Variants in PHACTR2 observed in about 807,000 individuals in gnomAD.
The protein encoded by PHACTR2 is phosphatase and actin regulator 2.
PHACTR2 carries 30 observed loss-of-function variants against 76.0 expected under a neutral mutation model. That is an observed-to-expected ratio of 0.39 (90% CI 0.30 to 0.54). The LOEUF (loss-of-function observed/expected upper bound fraction) is 0.54, where lower values mean the gene tolerates loss of function less well. PHACTR2 is among the 20% of genes least tolerant of loss of function. PHACTR2 has a pLI of 0.61. For missense variants in PHACTR2, 696 were observed against 781.1 expected (o/e 0.89, Z 1.30); for synonymous variants, 292 against 292.5 (o/e 1.00, Z 0.02).
At chr6:143,702,620 T>TTA (rs1399856277) in intron 1 of PHACTR2, among the ~76,000 whole-genome samples, 3 of 152,154 alleles carry the variant, frequency 2.0e-5, no homozygotes, top group Non-Finnish European at 4.4e-5. Flanking sequence ...CCCAGTTTCC[T>TTA]TATATATAGG....
rs1775691761 is a variant in PHACTR2 at position 143,591,462 on chromosome 6, G to C, written c.217+54255G>C. ...TTCCACAGCTTGTTACAGGAGCAGA[G>C]AAAGAGCATATGAGACCAGGAGGGA... On this transcript the variant is annotated intron_variant, in intron 1 of 11. Transcript: ENST00000367584. The surrounding 1 kb of genome is among the most constrained non-coding windows in gnomAD (Gnocchi z 6.4). Among the ~76,000 whole-genome samples, 1 of 152,228 alleles carries C rather than the reference G, an allele frequency of 6.6e-6. No individual in the cohort carries two copies. The highest frequency in any genetic ancestry group is 2.1e-4 in the South Asian group (1 of 4,832).
At chr6:143,762,562 C>G (rs1779466930) in intron 5 of PHACTR2, among the ~76,000 whole-genome samples, 1 of 152,094 alleles carries the variant, frequency 6.6e-6, no homozygotes. Context: ...CTTTATGATC[C>G]TACTGATAGT....
At position 143,825,973 on chromosome 6, in the gene PHACTR2, AT is replaced by A. The variant is rs1562321847; in HGVS notation, c.*2287del. On this transcript the variant is annotated 3_prime_UTR_variant, in exon 13 of 13. Coordinates refer to ENST00000440869, the MANE Select transcript of PHACTR2 (RefSeq NM_001100164.2). This position sits in a 1 kb window ranked among gnomAD's most constrained non-coding sequence, Gnocchi z 4.1. ...TTGCATTTCTTGTATAATAGGTCAGATTTATTAACTACTCATACTTTTTCTT... is the reference window on the plus strand; with the variant it reads ...TTGCATTTCTTGTATAATAGGTCAGATTATTAACTACTCATACTTTTTCTT... 6.6e-6 allele frequency: 1 copy of A among 152,082 alleles called. No homozygotes were observed. Among genetic ancestry groups the A allele is most frequent in the East Asian group, 1.9e-4 (1 of 5,192 alleles). 9.4% of individuals were successfully genotyped at this position (152,082 alleles called of 1,614,324 possible).
chr6:143,566,567 G>A (rs1301079405), intron 1 of PHACTR2, among the ~76,000 whole-genome samples: 1 of 152,144 alleles, frequency 6.6e-6, no homozygotes, highest in African/African-American at 2.4e-5. Context: ...GCTTTCCAAA[G>A]TGCTTGGATT....
rs940637294 is a variant in PHACTR2, at chr6:143,765,995, T to C, written c.1232+197T>C. 1.3e-5 allele frequency among the ~76,000 whole-genome samples: 2 copies of C among 152,236 alleles called. No individual in the cohort carries two copies. The highest frequency in any genetic ancestry group is 2.9e-5 in the Non-Finnish European group (2 of 68,040). ...CTAGGGCTGCTGGAGAAAATTACAT[T>C]GGTAGAGCTGACAAATACCACTTGA... On this transcript the variant is annotated intron_variant, in intron 6 of 12. Coordinates refer to ENST00000440869, the MANE Select transcript of PHACTR2 (RefSeq NM_001100164.2). The surrounding 1 kb of genome is among the most constrained non-coding windows in gnomAD (Gnocchi z 4.1).
chr6:143,772,208 A>T lies in PHACTR2; in HGVS notation c.1233-50A>T, dbSNP rs41285025. On this transcript the variant is annotated intron_variant, in intron 6 of 12. Transcript: ENST00000440869. The surrounding 1 kb of genome is among the most constrained non-coding windows in gnomAD (Gnocchi z 5.4). Reference sequence around the variant, plus strand: ...CTTTTTCTTAGTGTCAGTGCCGCCAAGGGTTGCTCTGAGCTTCACATCACT... The same window carrying T: ...CTTTTTCTTAGTGTCAGTGCCGCCATGGGTTGCTCTGAGCTTCACATCACT... 12 of 1,348,124 alleles carry T rather than the reference A, an allele frequency of 8.9e-6. No homozygotes were observed. Among genetic ancestry groups the T allele is most frequent in the Non-Finnish European group, 1.3e-5 (12 of 938,590 alleles). The allele number at this position is 1,348,124 out of a possible 1,614,324, so 83.5% of individuals were successfully genotyped here.
intron 1 of PHACTR2, among the ~76,000 whole-genome samples, chr6:143,564,819 C>T (rs1255078251): frequency 2.0e-5 from 3 of 152,164 alleles, no homozygotes; most frequent in Non-Finnish European, 4.4e-5. Flanking sequence ...CAACTGCAAC[C>T]TCAGCAAAAT....
At chr6:143,792,406 T>G (rs1201986827) in intron 11 of PHACTR2, among the ~76,000 whole-genome samples, 1 of 152,126 alleles carries the variant, frequency 6.6e-6, no homozygotes, top group African/African-American at 2.4e-5. Flanking sequence ...GTTTCTTCCA[T>G]CCTCCTTTCC....
rs1562309330 is a variant in PHACTR2, at chr6:143,791,373, C to CTT, written c.1845+2464_1845+2465insTT. On this transcript the variant is annotated intron_variant, in intron 11 of 12. Coordinates refer to ENST00000440869, the MANE Select transcript of PHACTR2 (RefSeq NM_001100164.2). The surrounding 1 kb of genome is among the most constrained non-coding windows in gnomAD (Gnocchi z 4.7). ...CAAGCACTGAAGGTTAGAAATGACT[C>CTT]TGTGTGTCAGTGATTTGCAACCTTG... Among the ~76,000 whole-genome samples the CTT allele has an allele frequency of 1.3e-5, 2 of 152,194 alleles. No individual in the cohort carries two copies. The highest frequency in any genetic ancestry group is 2.9e-5 in the Non-Finnish European group (2 of 68,038).
chr6:143,736,138 C>T (rs1022153020), intron 2 of PHACTR2, among the ~76,000 whole-genome samples: 1 of 152,176 alleles, frequency 6.6e-6, no homozygotes, highest in Non-Finnish European at 1.5e-5. Context: ...AAGCGATCCT[C>T]CTGCCTCATC....
At chr6:143,792,125 G>T (rs185734309) in intron 11 of PHACTR2, among the ~76,000 whole-genome samples, 1 of 152,252 alleles carries the variant, frequency 6.6e-6, no homozygotes, top group East Asian at 1.9e-4. Flanking sequence ...AAATCATAAA[G>T]ATGCCTGCTC....
chr6:143,599,745 G>T lies in PHACTR2; in HGVS notation c.217+62538G>T, dbSNP rs1775794234. Among the ~76,000 whole-genome samples, 1 of 152,130 alleles carries T rather than the reference G, an allele frequency of 6.6e-6. No individual in the cohort carries two copies. The highest frequency in any genetic ancestry group is 6.5e-5 in the Admixed American group (1 of 15,282). On this transcript the variant is annotated intron_variant, in intron 1 of 11. Coordinates refer to the PHACTR2 transcript ENST00000367584. The surrounding 1 kb of genome is among the most constrained non-coding windows in gnomAD (Gnocchi z 4.6). Reference sequence around the variant, plus strand: ...CTATACCTTTCCCCCTTTCTATGCTGTATTAAGACATACCACCCTTTCTTT... The same window carrying T: ...CTATACCTTTCCCCCTTTCTATGCTTTATTAAGACATACCACCCTTTCTTT...
chr6:143,796,758 G>A (rs1047642660), intron 11 of PHACTR2, among the ~76,000 whole-genome samples: 1 of 152,164 alleles, frequency 6.6e-6, no homozygotes, highest in Non-Finnish European at 1.5e-5. Context: ...TTTTATGGCT[G>A]CATAGTGTTC....
At chr6:143,563,712 CTGGCTGCGCACGG>C (rs1333912529) in intron 1 of PHACTR2, among the ~76,000 whole-genome samples, 1 of 151,696 alleles carries the variant, frequency 6.6e-6, no homozygotes, top group East Asian at 2.0e-4. Context: ...TATATTTATT[CTGGCTGCGCACGG>C]TGGCTCATGC....
At chr6:143,626,815 G>A (rs1322284804) in intron 1 of PHACTR2, among the ~76,000 whole-genome samples, 1 of 152,140 alleles carries the variant, frequency 6.6e-6, no homozygotes, top group Non-Finnish European at 1.5e-5. Context: ...AAGGGTTTTA[G>A]CAAAGACATT....
rs1019291853 is a variant in PHACTR2, at chr6:143,659,517, C to A, written c.13+51195C>A. ...CTTGCAGAATGCCAGACTGAGGGCT[C>A]AGTTTCTTGCTGGCTGTGAGTGGGA... On this transcript the variant is annotated intron_variant, in intron 1 of 11. Coordinates refer to the PHACTR2 transcript ENST00000305766. This position sits in a 1 kb window ranked among gnomAD's most constrained non-coding sequence, Gnocchi z 5.0. Among the ~76,000 whole-genome samples, 7 of 152,338 alleles carry A rather than the reference C, an allele frequency of 4.6e-5. No homozygotes were observed. Among genetic ancestry groups the A allele is most frequent in the Admixed American group, 4.6e-4 (7 of 15,306 alleles).
At chr6:143,702,212 A>G (rs1777930826) in intron 1 of PHACTR2, among the ~76,000 whole-genome samples, 1 of 144,064 alleles carries the variant, frequency 6.9e-6, no homozygotes, top group Admixed American at 7.2e-5. Flanking sequence ...GGTTCAAGCG[A>G]TCCTCCTGCC....
intron 1 of PHACTR2, among the ~76,000 whole-genome samples, chr6:143,540,848 A>G (rs1235084141): frequency 6.6e-6 from 1 of 152,272 alleles, no homozygotes; most frequent in Non-Finnish European, 1.5e-5. Flanking sequence ...TATGTTTATA[A>G]AAACGTGGAT....
rs200680117 is a variant in PHACTR2, at chr6:143,578,910, T to TG, written c.217+41703_217+41704insG. Among the ~76,000 whole-genome samples the TG allele has an allele frequency of 0.011, 1,477 of 139,474 alleles. 14 individuals carry two copies. Among genetic ancestry groups the TG allele is most frequent in the South Asian group, 0.035 (142 of 4,014 alleles). 91.5% of individuals were successfully genotyped at this position (139,474 alleles called of 152,430 possible). A position where few individuals can be genotyped will look rare whatever the true frequency, so the allele number is the denominator to read the frequency against. On this transcript the variant is annotated intron_variant, in intron 1 of 11. Coordinates refer to the PHACTR2 transcript ENST00000367584. The surrounding 1 kb of genome is among the most constrained non-coding windows in gnomAD (Gnocchi z 4.5). ...TCATAATCCTGCCCCCAAAACTTTTTTTTTTGTTGTTGAGACAGGATCTTG... is the reference window on the plus strand; with the variant it reads ...TCATAATCCTGCCCCCAAAACTTTTTGTTTTTGTTGTTGAGACAGGATCTTG...
Sources: allele counts gnomAD v4.1 joint callset (sites outside exome capture counted in the v4.1 genomes callset), GRCh38; gene constraint gnomAD v4.1.1; non-coding constraint Gnocchi (gnomAD v3.1); transcripts MANE v1.5; gene names NCBI Gene and HGNC (gene_info 2026-07-23, HGNC 2026-07-21).